Variants in SPECC1L observed in about 807,000 individuals in gnomAD.
SPECC1L encodes sperm antigen with calponin homology and coiled-coil domains 1 like, also known as cytospin-A.
Under a neutral mutation model 116.8 loss-of-function variants are expected in SPECC1L, and 40 were observed. The observed-to-expected ratio is 0.34, with a 90% confidence interval of 0.27 to 0.45. The LOEUF (loss-of-function observed/expected upper bound fraction) is 0.45, where lower values mean the gene tolerates loss of function less well. Among genes scored for constraint, SPECC1L ranks in the 20% least tolerant of loss-of-function variants. The pLI is 1.00. For synonymous variants in SPECC1L, 504 were observed against 500.6 expected (o/e 1.01, Z -0.09); for missense variants, 1,110 against 1,373.6 (o/e 0.81, Z 3.03).
At chr22:24,390,079 T>TA (rs1397266592) in intron 14 of SPECC1L, among the ~76,000 whole-genome samples, 1 of 151,848 alleles carries the variant, frequency 6.6e-6, no homozygotes, top group African/African-American at 2.4e-5. Flanking sequence ...CTCTTTCCCT[T>TA]ATGTGTCCAG....
At position 24,362,108 on chromosome 22, in the gene SPECC1L, G is replaced by C. The variant is rs541287792; in HGVS notation, c.2744-1153G>C. ...TCTTAGCCCAGTCACACACCAGCCC[G>C]TGACCAGAAAGAACAATTCTGGTTG... On this transcript the variant is annotated intron_variant, in intron 11 of 16. Coordinates refer to ENST00000314328, the MANE Select transcript of SPECC1L (RefSeq NM_015330.6). Among the ~76,000 whole-genome samples, 115 of 152,258 alleles carry C rather than the reference G, an allele frequency of 7.6e-4. 3 individuals are homozygous for C. The South Asian group carries it at 0.023, about 30-fold the overall frequency.
chr22:24,322,196 A>G lies in SPECC1L; in HGVS notation c.1216A>G (p.Asn406Asp). The G allele has an allele frequency of 6.2e-7, 1 of 1,614,076 alleles. No individual in the cohort carries two copies. The highest frequency in any genetic ancestry group is 8.5e-7 in the Non-Finnish European group (1 of 1,180,030). ...LTERIHQMEE[N>D]QHSTSEELQA... ...TGAACGGATACACCAGATGGAAGAG[A>G]ACCAACACAGTACAAGTGAGGAACT... The change falls in exon 5 of 17, where the codon AAC becomes GAC. Residue 406 changes from asparagine to aspartate, a missense_variant. Asn to Asp is a conservative substitution (Grantham distance 23, BLOSUM62 1). Transcript: ENST00000314328.
rs1346556753 is a variant in SPECC1L at position 24,324,356 on chromosome 22, A to G, written c.2075A>G (p.Glu692Gly). Residue 692 changes from glutamate (E) to glycine (G), a missense_variant, in exon 6 of 17, where the codon GAA (glutamate) becomes GGA (glycine). By Grantham distance (98) the Glu-to-Gly change is moderately conservative (BLOSUM62 -2). This residue lies in a region of SPECC1L where 575 missense variants were observed against 682.4 expected (regional missense o/e 0.84). Coordinates refer to ENST00000314328, the MANE Select transcript of SPECC1L (RefSeq NM_015330.6). Reference sequence around the variant, plus strand: ...AGTGACATGAAAGAAACCATCTTTGAACTTGAAGATGAAGTAGAACAACAT... The same window carrying G: ...AGTGACATGAAAGAAACCATCTTTGGACTTGAAGATGAAGTAGAACAACAT... ...ERSDMKETIFELEDEVEQHRA... is the reference protein window; with the variant it reads ...ERSDMKETIFGLEDEVEQHRA... 6.2e-7 allele frequency: 1 copy of G among 1,614,190 alleles called. No homozygotes were observed. Among genetic ancestry groups the G allele is most frequent in the Admixed American group, 1.7e-5 (1 of 60,026 alleles).
intron 14 of SPECC1L, among the ~76,000 whole-genome samples, chr22:24,406,374 A>G (rs967530876): frequency 1.3e-5 from 2 of 152,174 alleles, no homozygotes; most frequent in South Asian, 2.1e-4. Flanking sequence ...AAGACAGGGC[A>G]TGAACCCTTG....
At chr22:24,411,259 T>C (rs553172917) in intron 14 of SPECC1L, among the ~76,000 whole-genome samples, 17 of 152,286 alleles carry the variant, frequency 1.1e-4, no homozygotes. Context: ...TCCTCTGGTC[T>C]GTACTGTCAC....
rs368577395 is a variant in SPECC1L at position 24,322,466 on chromosome 22, A to G, written c.1486A>G (p.Met496Val). 5 of 1,614,102 alleles carry G rather than the reference A, an allele frequency of 3.1e-6. No homozygotes were observed. The highest frequency in any genetic ancestry group is 2.2e-5 in the East Asian group (1 of 44,900). The change falls in exon 5 of 17, where the codon ATG becomes GTG. Residue 496 changes from methionine to valine, a missense_variant. Around this residue, in one of 4 missense-constraint regions of SPECC1L, gnomAD observed 575 missense variants for 682.4 expected, o/e 0.84. Coordinates refer to ENST00000314328, the MANE Select transcript of SPECC1L (RefSeq NM_015330.6). ...GRYMELEQRY[M>V]DLAENARFER... ...CTATATGGAATTAGAGCAACGTTAC[A>G]TGGACCTCGCTGAGAATGCCCGTTT...
intron 10 of SPECC1L, among the ~76,000 whole-genome samples, chr22:24,346,406 G>A (rs2041296730): frequency 6.6e-6 from 1 of 152,230 alleles, no homozygotes. Context: ...GCTGTACTGG[G>A]CAGTTGTTGT....
intron 14 of SPECC1L, among the ~76,000 whole-genome samples, chr22:24,386,688 C>G (rs1435993953): frequency 6.6e-6 from 1 of 152,040 alleles, no homozygotes; most frequent in African/African-American, 2.4e-5. Context: ...ACTGCAAGCT[C>G]CACCTCCCAG....
intron 8 of SPECC1L, among the ~76,000 whole-genome samples, chr22:24,332,661 A>G (rs1299577430): frequency 6.6e-6 from 1 of 152,184 alleles, no homozygotes; most frequent in Non-Finnish European, 1.5e-5. Flanking sequence ...GCCAGACATT[A>G]AAGAGATGAT....
In SPECC1L at chr22:24,371,706, CATTG is replaced by C. The variant is rs534337556; in HGVS notation, c.3087+2409_3087+2412del. Among the ~76,000 whole-genome samples the C allele has an allele frequency of 4.3e-3, 649 of 152,198 alleles. 5 individuals carry two copies. The highest frequency in any genetic ancestry group is 0.014 in the African/African-American group (580 of 41,518). ...CGAAAGCAGTTCTCAAGGGGATTGA[CATTG>C]ATTGATTGATTGATTGATTGATCGA... On this transcript the variant is annotated intron_variant, in intron 14 of 16. Transcript: ENST00000314328.
rs147423267 is a variant in SPECC1L, at chr22:24,301,971, G to A, written c.-37-224G>A. The stretch of plus-strand genomic sequence containing the variant: ...TGAGGCAGGAGAATGGTGTGAACCC[G>A]GGAGGCGGAGCTTGCAGTGAGCCGA... On this transcript the variant is annotated intron_variant, in intron 2 of 16. Coordinates refer to ENST00000314328, the MANE Select transcript of SPECC1L (RefSeq NM_015330.6). Among the ~76,000 whole-genome samples the A allele has an allele frequency of 2.1e-3, 324 of 152,102 alleles. 3 individuals are homozygous for A. The highest frequency in any genetic ancestry group is 7.4e-3 in the African/African-American group (308 of 41,476).
chr22:24,414,565 C>G lies in SPECC1L; in HGVS notation c.3296C>G (p.Pro1099Arg). ...DINEMVRTER[P>R]DWQNVMLYVT... The stretch of plus-strand genomic sequence containing the variant: ...AATGAAATGGTACGGACTGAACGAC[C>G]CGACTGGCAGAACGTGATGCTGTAT... Residue 1099 changes from proline to arginine, a missense_variant, in exon 17 of 17, where the codon CCC (proline) becomes CGC (arginine). By Grantham distance (103) the Pro-to-Arg change is moderately radical. This residue lies in a region of SPECC1L where 76 missense variants were observed against 148.5 expected (regional missense o/e 0.51). Transcript: ENST00000314328. 6.2e-7 allele frequency: 1 copy of G among 1,614,024 alleles called. No homozygotes were observed. Among genetic ancestry groups the G allele is most frequent in the Non-Finnish European group, 8.5e-7 (1 of 1,179,992 alleles).
At chr22:24,413,175 G>A (rs1364797889) in intron 16 of SPECC1L, among the ~76,000 whole-genome samples, 1 of 152,230 alleles carries the variant, frequency 6.6e-6, no homozygotes, top group African/African-American at 2.4e-5. Flanking sequence ...GGACCGGGGA[G>A]GCTCCTGCAC....
At chr22:24,354,333 C>T (rs1390855695) in intron 11 of SPECC1L, among the ~76,000 whole-genome samples, 1 of 152,194 alleles carries the variant, frequency 6.6e-6, no homozygotes, top group Non-Finnish European at 1.5e-5. Context: ...ACAGTTATTA[C>T]CGTGGTGTTT....
At chr22:24,324,492 A>G (rs2040779897) in intron 6 of SPECC1L, 65 bp downstream of exon 6, 23 of 1,451,342 alleles carry the variant, frequency 1.6e-5, no homozygotes, top group Non-Finnish European at 2.1e-5. Context: ...GATAATTTGC[A>G]TTTAGTAATA....
At chr22:24,345,908 A>G (rs2041282335) in intron 10 of SPECC1L, among the ~76,000 whole-genome samples, 1 of 152,186 alleles carries the variant, frequency 6.6e-6, no homozygotes, top group African/African-American at 2.4e-5. Flanking sequence ...CGTGGTCTGC[A>G]TGATAGTAAA....
chr22:24,343,450 G>GTT (rs754785113), intron 10 of SPECC1L: 31 of 402,138 alleles, frequency 7.7e-5, no homozygotes, highest in East Asian at 1.6e-4. Context: ...AAATGGTTGT[G>GTT]TTTTTTTTTT....
intron 11 of SPECC1L, among the ~76,000 whole-genome samples, chr22:24,359,282 C>T (rs920099842): frequency 2.6e-5 from 4 of 152,144 alleles, no homozygotes; most frequent in African/African-American, 7.2e-5. Flanking sequence ...TCCATGTCAC[C>T]GAGTGCACTC....
At chr22:24,352,163 G>T (rs1487034150) in intron 11 of SPECC1L, among the ~76,000 whole-genome samples, 4 of 152,202 alleles carry the variant, frequency 2.6e-5, no homozygotes, top group Non-Finnish European at 4.4e-5. Context: ...AATGGCTAGG[G>T]TCATGACTGG....
Sources: gnomAD v4.1 joint callset for allele counts (sites outside exome capture counted in the v4.1 genomes callset) on GRCh38, gnomAD v4.1.1 for gene constraint, gnomAD v4.1.1 regional missense constraint, MANE v1.5 for transcripts, NCBI Gene and HGNC (gene_info 2026-07-23, HGNC 2026-07-21) for gene names.